Variants in AFTPH observed in about 807,000 individuals in gnomAD.
The protein encoded by AFTPH is aftiphilin protein.
AFTPH carries 7 observed loss-of-function variants against 72.5 expected under a neutral mutation model. That is an observed-to-expected ratio of 0.10 (90% confidence interval 0.05 to 0.18). AFTPH has a LOEUF of 0.18. AFTPH is among the 10% of genes least tolerant of loss of function. The pLI is 1.00. For missense variants in AFTPH, 979 were observed against 1,060.5 expected, an observed-to-expected ratio of 0.92 and a Z score of 1.07; for synonymous variants, 337 against 370.1, an observed-to-expected ratio of 0.91 and a Z score of 1.03.
chr2:64,527,242 G>A (rs181402868), intron 1 of AFTPH, among the ~76,000 whole-genome samples: 22 of 152,210 alleles, frequency 1.4e-4, no homozygotes, highest in African/African-American at 4.8e-4. Context: ...ATTCATTATG[G>A]CTTTTTTCTC....
intron 7 of AFTPH, chr2:64,580,979 A>G: frequency 5.4e-6 from 2 of 373,178 alleles, no homozygotes; most frequent in Non-Finnish European, 9.7e-6. Context: ...GAAAATGTAC[A>G]TTGAATTAAA....
In AFTPH at chr2:64,548,407, GAAAAAAAA is replaced by G. The variant is rs57995634; in HGVS notation, c.-32-3015_-32-3008del. Among the ~76,000 whole-genome samples, 24 of 59,974 alleles carry G rather than the reference GAAAAAAAA, an allele frequency of 4.0e-4. 1 individual carries two copies. Among genetic ancestry groups the G allele is most frequent in the African/African-American group, 9.7e-4 (16 of 16,450 alleles). 39.3% of individuals were successfully genotyped at this position (59,974 alleles called of 152,430 possible). On this transcript the variant is annotated intron_variant, in intron 1 of 8. Transcript: ENST00000238856. ...AGAGCGAGACTCCGTCTCAAAAAAAGAAAAAAAAAAAAAAAAAAAAAAAAAAAACTTTA... is the reference window on the plus strand; with the variant it reads ...AGAGCGAGACTCCGTCTCAAAAAAAGAAAAAAAAAAAAAAAAAAAACTTTA...
intron 2 of AFTPH, among the ~76,000 whole-genome samples, chr2:64,556,468 A>G (rs17029100): frequency 0.12 from 18,019 of 152,220 alleles, 3,013 homozygotes; most frequent in African/African-American, 0.36. Flanking sequence ...TTAAACAAAC[A>G]TGGCAATTTG....
At chr2:64,538,391 C>G (rs907612373) in intron 1 of AFTPH, among the ~76,000 whole-genome samples, 3 of 152,138 alleles carry the variant, frequency 2.0e-5, no homozygotes, top group African/African-American at 7.2e-5. Context: ...GAATTCCTTC[C>G]ATAGTTTTTG....
chr2:64,540,172 G>C (rs986529312), intron 1 of AFTPH, among the ~76,000 whole-genome samples: 4 of 152,106 alleles, frequency 2.6e-5, no homozygotes, highest in Non-Finnish European at 5.9e-5. Flanking sequence ...GAGTTTCAGG[G>C]ATATGAGAGT....
chr2:64,539,283 C>T (rs958406254), intron 1 of AFTPH, among the ~76,000 whole-genome samples: 5 of 152,144 alleles, frequency 3.3e-5, no homozygotes, highest in East Asian at 3.9e-4. Flanking sequence ...TCACTGACAC[C>T]TCTGCTTATG....
chr2:64,586,036 C>G (rs1673482332), intron 8 of AFTPH, among the ~76,000 whole-genome samples: 5 of 152,158 alleles, frequency 3.3e-5, no homozygotes, highest in African/African-American at 1.2e-4. Flanking sequence ...TTTCTAGAAG[C>G]CCCTTCAGAG....
At chr2:64,549,025 C>T (rs920111375) in intron 1 of AFTPH, among the ~76,000 whole-genome samples, 2 of 152,196 alleles carry the variant, frequency 1.3e-5, no homozygotes, top group African/African-American at 2.4e-5. Context: ...AGCCATTCTC[C>T]ACTAAGCAGC....
chr2:64,581,391 T>A (rs1673187482), intron 7 of AFTPH, 118 bp downstream of exon 8: 1 of 771,384 alleles, frequency 1.3e-6, no homozygotes, highest in East Asian at 3.3e-5. Flanking sequence ...GTCTTTTTAA[T>A]ACTTTTCTTT....
chr2:64,575,914 T>C (rs1672751205), intron 6 of AFTPH, among the ~76,000 whole-genome samples: 2 of 151,648 alleles, frequency 1.3e-5, no homozygotes, highest in South Asian at 4.2e-4. Flanking sequence ...AATTTTCGTA[T>C]TTTTAGTAGA....
exon 3 of AFTPH, chr2:64,567,668 C>G: frequency 1.2e-6 from 2 of 1,613,730 alleles, no homozygotes; most frequent in Non-Finnish European, 1.7e-6. Context: ...TTGCTGGAAA[C>G]AAGCACTTTG....
At chr2:64,579,674 G>GACAAACTTCTCTCT in intron 7 of AFTPH, 128 bp downstream of exon 7, 2 of 820,898 alleles carry the variant, frequency 2.4e-6, no homozygotes, top group Non-Finnish European at 3.8e-6. Context: ...TGGAAATTCA[G>GACAAACTTCTCTCT]GCTTTCTTTC....
intron 1 of AFTPH, among the ~76,000 whole-genome samples, chr2:64,531,255 G>C (rs945454561): frequency 1.3e-5 from 2 of 151,978 alleles, no homozygotes; most frequent in African/African-American, 4.8e-5. Flanking sequence ...TATTTTCATA[G>C]GATCAAATCT....
exon 9 of AFTPH, chr2:64,592,214 C>A (rs1208781485): frequency 6.2e-6 from 3 of 484,470 alleles, no homozygotes; most frequent in South Asian, 5.8e-5. Flanking sequence ...ATACTGAAGT[C>A]CTAAATTTAT....
chr2:64,540,699 AAGAC>A (rs1272805428), intron 1 of AFTPH, among the ~76,000 whole-genome samples: 3 of 152,246 alleles, frequency 2.0e-5, no homozygotes, highest in African/African-American at 7.2e-5. Flanking sequence ...CAAAACTAGA[AAGAC>A]AAAATTTTTT....
chr2:64,587,409 A>G (rs1558634949), intron 8 of AFTPH, among the ~76,000 whole-genome samples: 1 of 152,234 alleles, frequency 6.6e-6, no homozygotes, highest in Admixed American at 6.5e-5. Flanking sequence ...ATACTGTAAA[A>G]TGTCCCAACG....
chr2:64,540,657 T>C (rs946068109), intron 1 of AFTPH, among the ~76,000 whole-genome samples: 1 of 152,150 alleles, frequency 6.6e-6, no homozygotes, highest in South Asian at 2.1e-4. Flanking sequence ...TATATATATA[T>C]TTTTACTTTT....
chr2:64,571,968 C>T (rs1339696360), intron 5 of AFTPH, among the ~76,000 whole-genome samples: 1 of 152,146 alleles, frequency 6.6e-6, no homozygotes, highest in Non-Finnish European at 1.5e-5. Context: ...GTAATCCTAG[C>T]ACTTTGGGAG....
chr2:64,553,459 G>T, intron 2 of AFTPH, 50 bp downstream of exon 2: 1 of 1,490,980 alleles, frequency 6.7e-7, no homozygotes, highest in Non-Finnish European at 8.9e-7. Flanking sequence ...TGTTGTGGAG[G>T]CTTCTAATTT....
Sources: allele counts gnomAD v4.1 joint callset (sites outside exome capture counted in the v4.1 genomes callset), GRCh38; gene constraint gnomAD v4.1.1; transcripts MANE v1.5; gene names NCBI Gene and HGNC (gene_info 2026-07-23, HGNC 2026-07-21).